The following DUSP11 variants were observed in gnomAD, a reference collection of about 807,000 sequenced individuals.
DUSP11 encodes the protein RNA/RNP complex-1-interacting phosphatase.
Under a neutral mutation model 41.4 loss-of-function variants are expected in DUSP11, and 27 were observed. The ratio of observed to expected loss-of-function variants is 0.65; its 90% CI spans 0.48 to 0.90. The LOEUF (loss-of-function observed/expected upper bound fraction) is 0.90, where lower values mean the gene tolerates loss of function less well. DUSP11 is among the 40% of genes least tolerant of loss of function. The pLI is 0.00. For missense variants in DUSP11, 465 were observed against 461.1 expected, an observed-to-expected ratio of 1.01 and a Z score of -0.08; for synonymous variants, 188 against 159.3, an observed-to-expected ratio of 1.18 and a Z score of -1.35.
chr2:73,775,172 T>C (rs1017462756), intron 2 of DUSP11, 128 bp from the exon 3 acceptor site: 15 of 773,172 alleles, frequency 1.9e-5, no homozygotes, highest in Admixed American at 3.0e-5. Flanking sequence ...TCCTGGAACA[T>C]AGAAGGTATA....
In DUSP11 at chr2:73,764,575, G is replaced by T. The variant is rs138878278; in HGVS notation, c.936-1716C>A. On this transcript the variant is annotated intron_variant, in intron 8 of 8. Coordinates refer to ENST00000272444, the Ensembl canonical transcript of DUSP11. ...GAAAAATGAAATGTAGATAGGCTAA[G>T]TATCTTATCCAAGATCACAAAGCAG... 1.1e-3 allele frequency among the ~76,000 whole-genome samples: 173 copies of T among 152,320 alleles called. 1 individual carries two copies. The highest frequency in any genetic ancestry group is 3.4e-3 in the Middle Eastern group (1 of 294).
At chr2:73,780,006 A>G (rs1303366633) in exon 1 of DUSP11, 3 of 1,614,194 alleles carry the variant, frequency 1.9e-6, no homozygotes, top group South Asian at 1.1e-5. Context: ...ACCCAATGCC[A>G]AGTCGGCCAA....
At chr2:73,778,228 GAT>G (rs1482491033) in intron 2 of DUSP11, 71 bp downstream of exon 2, 3 of 970,196 alleles carry the variant, frequency 3.1e-6, no homozygotes, top group Non-Finnish European at 4.6e-6. Flanking sequence ...AATGGAATGT[GAT>G]AGAGTGGAGA....
intron 2 of DUSP11, among the ~76,000 whole-genome samples, chr2:73,777,070 T>A (rs570281238): frequency 1.3e-5 from 2 of 152,304 alleles, no homozygotes; most frequent in Admixed American, 6.5e-5. Flanking sequence ...AGCCTTGACC[T>A]CCTGGGTTCA....
At chr2:73,774,105 C>A (rs551259502) in intron 3 of DUSP11, among the ~76,000 whole-genome samples, 182 bp from the exon 4 acceptor site, 1 of 152,282 alleles carries the variant, frequency 6.6e-6, no homozygotes, top group East Asian at 1.9e-4. Flanking sequence ...GGAAGTATCA[C>A]TTGATTTTCA....
At chr2:73,771,223 C>T (rs1325809978) in intron 4 of DUSP11, among the ~76,000 whole-genome samples, 1 of 152,216 alleles carries the variant, frequency 6.6e-6, no homozygotes, top group Non-Finnish European at 1.5e-5. Context: ...AAAGTGACTT[C>T]AACATAGGTT....
chr2:73,778,628 G>A (rs144471020), intron 1 of DUSP11, among the ~76,000 whole-genome samples: 119 of 152,184 alleles, frequency 7.8e-4, no homozygotes, highest in Middle Eastern at 3.4e-3. Context: ...ATATAAAACC[G>A]GAGATACCCA....
chr2:73,765,808 T>C (rs1033513243), intron 8 of DUSP11, among the ~76,000 whole-genome samples: 42 of 152,234 alleles, frequency 2.8e-4, no homozygotes, highest in Non-Finnish European at 5.6e-4. Flanking sequence ...CTAAAAACTA[T>C]ACTACATTAA....
At chr2:73,775,690 C>A (rs1177185992) in intron 2 of DUSP11, among the ~76,000 whole-genome samples, 2 of 149,372 alleles carry the variant, frequency 1.3e-5, no homozygotes, top group Non-Finnish European at 3.0e-5. Context: ...CCCGTCTCTA[C>A]TAAAAATACA....
rs2103929763 is a variant in DUSP11, at chr2:73,766,940, A to G, written c.683-37T>C. Reference sequence around the variant, plus strand: ...ATAAACTGTTAGAAATAACTGTACAAAAAGCAGATCTTTCCAGAAAAAGCA... The same window carrying G: ...ATAAACTGTTAGAAATAACTGTACAGAAAGCAGATCTTTCCAGAAAAAGCA... On this transcript the variant is annotated intron_variant, in intron 6 of 8. Coordinates refer to ENST00000272444, the Ensembl canonical transcript of DUSP11. The G allele has an allele frequency of 1.9e-6, 3 of 1,574,622 alleles. No homozygotes were observed. The East Asian group carries it at 6.7e-5, about 35-fold the overall frequency.
At chr2:73,763,723 T>C (rs1281748004) in intron 8 of DUSP11, among the ~76,000 whole-genome samples, 1 of 150,886 alleles carries the variant, frequency 6.6e-6, no homozygotes, top group African/African-American at 2.5e-5. Flanking sequence ...AACTCCATCT[T>C]ACAAAAAAAA....
At chr2:73,773,286 T>A (rs1672620080) in intron 4 of DUSP11, 1 of 156,022 alleles carries the variant, frequency 6.4e-6, no homozygotes, top group Admixed American at 6.5e-5. Flanking sequence ...AATTATACTT[T>A]AAGTTTTAGG....
chr2:73,779,199 C>A (rs1672744225), intron 1 of DUSP11, among the ~76,000 whole-genome samples: 1 of 152,064 alleles, frequency 6.6e-6, no homozygotes, highest in Non-Finnish European at 1.5e-5. Flanking sequence ...ACAGGAGATT[C>A]ACTAATTAGA....
intron 2 of DUSP11, 85 bp from the exon 3 acceptor site, chr2:73,775,129 C>G: frequency 8.7e-7 from 1 of 1,147,564 alleles, no homozygotes; most frequent in Non-Finnish European, 1.2e-6. Context: ...GTGATGCTAA[C>G]ATACAACGAG....
At chr2:73,779,950 T>C in exon 1 of DUSP11, 2 of 1,614,250 alleles carry the variant, frequency 1.2e-6, no homozygotes, top group Non-Finnish European at 1.7e-6. Context: ...CCCCAGCCAC[T>C]GCGGGGATGA....
intron 2 of DUSP11, among the ~76,000 whole-genome samples, chr2:73,776,288 G>A (rs1412648470): frequency 2.6e-5 from 4 of 151,532 alleles, no homozygotes; most frequent in South Asian, 2.1e-4. Context: ...GGTGGCAGGC[G>A]CCGGTAGTTC....
chr2:73,778,428 G>T, intron 1 of DUSP11, 52 bp from the exon 2 acceptor site: 1 of 1,228,342 alleles, frequency 8.1e-7, no homozygotes. Context: ...TTGTTTCCTT[G>T]CACAAAATAA....
At chr2:73,773,665 A>G (rs1468033478) in intron 4 of DUSP11, 135 bp downstream of exon 4, 14 of 874,790 alleles carry the variant, frequency 1.6e-5, no homozygotes, top group Non-Finnish European at 3.5e-6. Context: ...TTACCCTATT[A>G]GCACCATCTG....
chr2:73,766,692 T>G (rs1672472920), intron 7 of DUSP11, 98 bp from the exon 8 acceptor site: 1 of 1,402,896 alleles, frequency 7.1e-7, no homozygotes, highest in Non-Finnish European at 9.8e-7. Context: ...AATTTCTTCC[T>G]TCTCCCATTC....
Sources: gnomAD v4.1 joint callset for allele counts (sites outside exome capture counted in the v4.1 genomes callset) on GRCh38, gnomAD v4.1.1 for gene constraint, MANE v1.5 for transcripts, NCBI Gene and HGNC (gene_info 2026-07-23, HGNC 2026-07-21) for gene names.